The following SH3YL1 variants were observed in gnomAD, a reference collection of about 807,000 sequenced individuals.
SH3YL1 encodes SH3 domain-containing YSC84-like protein 1.
A neutral mutation model predicts 45.8 loss-of-function variants in SH3YL1; 41 were observed. The ratio of observed to expected loss-of-function variants is 0.89; its 90% CI spans 0.70 to 1.16. The LOEUF is 1.16. Ranked by LOEUF, SH3YL1 falls within the 50% of genes most tolerant of loss-of-function variation. SH3YL1 has a pLI of 0.00. For synonymous variants in SH3YL1, 152 were observed against 151.4 expected, an observed-to-expected ratio of 1.00 and a Z score of -0.03; for missense variants, 389 against 409.6, an observed-to-expected ratio of 0.95 and a Z score of 0.43.
At chr2:259,086 G>C (rs766205511) in intron 1 of SH3YL1, among the ~76,000 whole-genome samples, 1 of 152,152 alleles carries the variant, frequency 6.6e-6, no homozygotes, top group African/African-American at 2.4e-5. Flanking sequence ...GCAGAAAACG[G>C]TCACTAATGG....
chr2:253,274 T>G (rs578099781), intron 1 of SH3YL1, among the ~76,000 whole-genome samples, 159 bp from the exon 2 acceptor site: 125 of 152,322 alleles, frequency 8.2e-4, no homozygotes, highest in African/African-American at 2.9e-3. Context: ...TGAGACCTAC[T>G]GGGCTGCATT....
intron 4 of SH3YL1, among the ~76,000 whole-genome samples, chr2:239,027 C>T (rs1462334679): frequency 6.6e-6 from 1 of 152,152 alleles, no homozygotes; most frequent in Admixed American, 6.6e-5. Context: ...ACACTTATGC[C>T]CCTGGAAGAA....
In SH3YL1 at chr2:234,221, CA is replaced by C; in HGVS notation, c.342del (p.Phe114LeufsTer7). The C allele has an allele frequency of 1.2e-6, 2 of 1,614,152 alleles. No homozygotes were observed. The highest frequency in any genetic ancestry group is 1.7e-6 in the Non-Finnish European group (2 of 1,180,016). ...ILNYDRAVEA[F>X]AKGGNLTLGG... Reference sequence around the variant, plus strand: ...CCGAGGGTCAGATTTCCGCCTTTTGCAAAAGCTTCTACAGCACGGTCATAAT... The same window carrying C: ...CCGAGGGTCAGATTTCCGCCTTTTGCAAAGCTTCTACAGCACGGTCATAAT... On this transcript the variant is annotated frameshift_variant, in exon 5 of 10. Coordinates refer to ENST00000356150, the MANE Select transcript of SH3YL1 (RefSeq NM_015677.4). LOFTEE classifies it high-confidence loss of function.
At chr2:236,098 G>C (rs1668290239) in intron 4 of SH3YL1, among the ~76,000 whole-genome samples, 1 of 84,212 alleles carries the variant, frequency 1.2e-5, no homozygotes, top group African/African-American at 4.6e-5. Flanking sequence ...AGGCAGCATG[G>C]GTCAGGGGAG....
intron 1 of SH3YL1, among the ~76,000 whole-genome samples, chr2:258,878 T>C (rs1316699165): frequency 6.6e-6 from 1 of 152,230 alleles, no homozygotes; most frequent in Non-Finnish European, 1.5e-5. Context: ...TAGCACTTAA[T>C]ATTCAGCAGA....
chr2:249,792 G>A lies in SH3YL1; in HGVS notation c.165C>T (p.Ala55=), dbSNP rs370528206. The stretch of plus-strand genomic sequence containing the variant: ...CTCCTCTGGCAGTCACCAGGAACCC[G>A]GCTTTGATCACAGACAGAATTGCAA... ...KGLAILSVIK[A]GFLVTARGGS... is the part of the protein sequence containing the mutation. Residue 55 remains alanine (A), a synonymous_variant, in exon 3 of 10, where the codon GCC becomes GCT. Transcript: ENST00000356150. 201 of 1,551,962 alleles carry A rather than the reference G, an allele frequency of 1.3e-4. No individual in the cohort carries two copies. The African/African-American group carries it at 1.8e-3, about 14-fold the overall frequency.
chr2:262,544 G>T, intron 1 of SH3YL1: 1 of 1,291,116 alleles, frequency 7.7e-7, no homozygotes, highest in African/African-American at 1.5e-5. Flanking sequence ...AGTAAAAAAT[G>T]GGATCTTCTC....
chr2:262,386 G>C (rs962739916), intron 1 of SH3YL1: 1 of 287,300 alleles, frequency 3.5e-6, no homozygotes, highest in Non-Finnish European at 6.8e-6. Context: ...CTGTGGCTGG[G>C]GAAGGAAGAG....
In SH3YL1 at chr2:262,548, T is replaced by A. The variant is rs1248889851; in HGVS notation, c.1+1436A>T. On this transcript the variant is annotated intron_variant, in intron 1 of 9. Coordinates refer to ENST00000356150, the MANE Select transcript of SH3YL1 (RefSeq NM_015677.4). The stretch of plus-strand genomic sequence containing the variant: ...TGATCTTTTAGAGTAAAAAATGGGA[T>A]CTTCTCAGAGAAAATTTTTTTAAAA... 3.1e-6 allele frequency: 4 copies of A among 1,298,802 alleles called. No individual in the cohort carries two copies. In the South Asian group the frequency reaches 3.7e-5, roughly 12 times the overall value. The allele number at this position is 1,298,802 out of a possible 1,614,324, so 80.5% of individuals were successfully genotyped here.
intron 6 of SH3YL1, among the ~76,000 whole-genome samples, chr2:231,619 A>G (rs1668048931): frequency 6.6e-6 from 1 of 152,156 alleles, no homozygotes; most frequent in Admixed American, 6.5e-5. Flanking sequence ...TAAAATATTT[A>G]TTTTTATCAA....
upstream of SH3YL1, chr2:264,722 G>C: frequency 2.1e-6 from 1 of 466,616 alleles, no homozygotes; most frequent in Admixed American, 4.5e-5. Flanking sequence ...CGCCCCTGCA[G>C]GTGAACGGCG....
At chr2:247,040 G>A (rs1008737530) in intron 4 of SH3YL1, among the ~76,000 whole-genome samples, 5 of 152,190 alleles carry the variant, frequency 3.3e-5, no homozygotes, top group African/African-American at 1.2e-4. Flanking sequence ...GAGTGTGCAT[G>A]TCTGCCCGAC....
intron 4 of SH3YL1, among the ~76,000 whole-genome samples, chr2:244,231 T>A (rs749912940): frequency 6.7e-6 from 1 of 150,368 alleles, no homozygotes; most frequent in Non-Finnish European, 1.5e-5. Flanking sequence ...GAGCGGTGGC[T>A]CACGCCTTTA....
At chr2:229,645 C>A in intron 8 of SH3YL1, among the ~76,000 whole-genome samples, 1 of 143,260 alleles carries the variant, frequency 7.0e-6, no homozygotes, top group East Asian at 2.2e-4. Context: ...AGGAGAATGG[C>A]GTGAACCCGG....
intron 9 of SH3YL1, among the ~76,000 whole-genome samples, chr2:219,759 T>C (rs1237515463): frequency 2.0e-5 from 3 of 152,114 alleles, no homozygotes; most frequent in Admixed American, 1.3e-4. Context: ...GGCTTGAAGA[T>C]TGCAGCCCAG....
intron 3 of SH3YL1, among the ~76,000 whole-genome samples, chr2:247,835 C>G (rs900847802): frequency 7.9e-5 from 12 of 152,070 alleles, no homozygotes; most frequent in Non-Finnish European, 1.3e-4. Context: ...AAGCCCATGT[C>G]CTCTAATCTT....
intron 2 of SH3YL1, 32 bp from the exon 3 acceptor site, chr2:249,876 C>T (rs1290047299): frequency 7.0e-7 from 1 of 1,428,024 alleles, no homozygotes; most frequent in African/African-American, 1.4e-5. Flanking sequence ...GGAAGGTAAG[C>T]ATTTTGATCT....
chr2:264,604 C>T (rs1300462261), upstream of SH3YL1: 2 of 121,130 alleles, frequency 1.7e-5, no homozygotes, highest in Admixed American at 7.8e-5. Context: ...GACTCCCCCC[C>T]GCCAACCCCC....
At position 252,992 on chromosome 2, in the gene SH3YL1, C is replaced by A; in HGVS notation, c.112+13G>T. The A allele has an allele frequency of 2.1e-6, 3 of 1,433,190 alleles. No homozygotes were observed. Among genetic ancestry groups the A allele is most frequent in the Non-Finnish European group, 2.9e-6 (3 of 1,041,362 alleles). 88.8% of individuals were successfully genotyped at this position (1,433,190 alleles called of 1,614,324 possible). ...ACATTTAGAGACAAACAGCACTCAT[C>A]CTATTTACCTACCAGGAATGATCTT... On this transcript the variant is annotated intron_variant, in intron 2 of 9. Coordinates refer to ENST00000356150, the MANE Select transcript of SH3YL1 (RefSeq NM_015677.4).
Sources: gnomAD v4.1 joint callset for allele counts (sites outside exome capture counted in the v4.1 genomes callset) on GRCh38, gnomAD v4.1.1 for gene constraint, MANE v1.5 for transcripts, NCBI Gene and HGNC (gene_info 2026-07-23, HGNC 2026-07-21) for gene names.